NELL2: variants seen among roughly 807,000 people sequenced by gnomAD.
NELL2 encodes the protein neural EGFL like 2, also known as protein kinase C-binding protein NELL2.
NELL2 carries 41 observed loss-of-function variants against 109.6 expected under a neutral mutation model. That is an observed-to-expected ratio of 0.37 (90% CI 0.29 to 0.49). The LOEUF (loss-of-function observed/expected upper bound fraction) is 0.49. NELL2 is among the 20% of genes least tolerant of loss of function. The pLI is 0.98. For synonymous variants in NELL2, 355 were observed against 344.7 expected (o/e 1.03, Z -0.33); for missense variants, 900 against 1,008.3 (o/e 0.89, Z 1.45).
intron 2 of NELL2, among the ~76,000 whole-genome samples, chr12:44,842,378 T>G (rs1944255939): frequency 2.6e-5 from 4 of 152,126 alleles, no homozygotes; most frequent in Non-Finnish European, 5.9e-5. Flanking sequence ...CTGGAACAAC[T>G]GGATATACAT....
At chr12:44,555,665 C>A (rs1225253033) in intron 15 of NELL2, among the ~76,000 whole-genome samples, 32 of 152,068 alleles carry the variant, frequency 2.1e-4, no homozygotes. Context: ...TTGCAGAGAC[C>A]AGCATGACAG....
At chr12:44,559,055 G>T (rs1348638402) in intron 15 of NELL2, among the ~76,000 whole-genome samples, 2 of 152,138 alleles carry the variant, frequency 1.3e-5, no homozygotes, top group Non-Finnish European at 2.9e-5. Flanking sequence ...AACAAAGCCA[G>T]AATTTCATTA....
At chr12:44,617,989 A>G (rs975804974) in intron 13 of NELL2, among the ~76,000 whole-genome samples, 9 of 152,164 alleles carry the variant, frequency 5.9e-5, no homozygotes, top group Non-Finnish European at 8.8e-5. Flanking sequence ...TTCAATGATT[A>G]CATCAGGGGA....
chr12:44,615,735 T>C (rs1171062112), intron 13 of NELL2, among the ~76,000 whole-genome samples: 1 of 152,138 alleles, frequency 6.6e-6, no homozygotes, highest in African/African-American at 2.4e-5. Context: ...TAGGACGTTA[T>C]CATCTCTTTA....
At chr12:44,663,356 T>G (rs572986589) in intron 13 of NELL2, among the ~76,000 whole-genome samples, 2 of 152,186 alleles carry the variant, frequency 1.3e-5, no homozygotes, top group Admixed American at 6.5e-5. Context: ...GACCTAGTCA[T>G]AATAGAGAGA....
chr12:44,550,720 C>T (rs554776727), intron 15 of NELL2, among the ~76,000 whole-genome samples: 11 of 152,088 alleles, frequency 7.2e-5, no homozygotes, highest in African/African-American at 2.2e-4. Context: ...TGTGACAACA[C>T]GGACGGACCA....
intron 3 of NELL2, among the ~76,000 whole-genome samples, chr12:44,791,093 A>ATACACG (rs1175700056): frequency 5.5e-4 from 8 of 14,464 alleles, no homozygotes; most frequent in African/African-American, 1.3e-3. Context: ...ATATATATAT[A>ATACACG]TATGTATATA....
chr12:44,534,492 T>C (rs1421736921), intron 15 of NELL2, among the ~76,000 whole-genome samples: 1 of 152,126 alleles, frequency 6.6e-6, no homozygotes. Context: ...ATAACTGATG[T>C]GGATTGTATC....
chr12:44,727,661 A>G (rs1223763912), intron 9 of NELL2, among the ~76,000 whole-genome samples: 1 of 152,046 alleles, frequency 6.6e-6, no homozygotes, highest in African/African-American at 2.4e-5. Flanking sequence ...TTGGGACAAA[A>G]TATTTGTTGA....
At position 44,520,114 on chromosome 12, in the gene NELL2, G is replaced by A. The variant is rs199864668; in HGVS notation, c.2291C>T (p.Thr764Ile). The A allele has an allele frequency of 8.1e-6, 13 of 1,614,138 alleles. No homozygotes were observed. The Admixed American group carries it at 1.2e-4, about 14-fold the overall frequency. Reference protein sequence around the residue: ...RCVTDPCQADTIRNDITKTCL... With the variant: ...RCVTDPCQADIIRNDITKTCL... ...AGTCTTGGTGATGTCATTGCGGATG[G>A]TGTCAGCCTGGCAAGGGTCTGTGAC... is the stretch of plus-strand genomic sequence containing the variant. The change falls in exon 19 of 20, where the codon ACC becomes ATC. Residue 764 changes from threonine (T) to isoleucine (I), a missense_variant. Thr to Ile is a moderately conservative substitution (Grantham distance 89). Transcript: ENST00000429094.
intron 12 of NELL2, among the ~76,000 whole-genome samples, chr12:44,694,134 G>A (rs944254917): frequency 2.0e-5 from 3 of 152,122 alleles, no homozygotes; most frequent in Non-Finnish European, 1.5e-5. Flanking sequence ...ATTATTCTGG[G>A]TGTGTTTGTG....
intron 15 of NELL2, among the ~76,000 whole-genome samples, chr12:44,590,910 C>CAAA (rs1944721272): frequency 6.8e-6 from 1 of 147,708 alleles, no homozygotes; most frequent in African/African-American, 2.6e-5. Context: ...AAAAAAAAAC[C>CAAA]AACCTTGACT....
chr12:44,522,275 T>C (rs1324831901), intron 17 of NELL2, 99 bp from the exon 18 acceptor site: 1 of 1,001,134 alleles, frequency 1.0e-6, no homozygotes, highest in Admixed American at 3.0e-5. Context: ...GACTTGGAAG[T>C]TGAAATAATT....
At chr12:44,545,574 A>G (rs964403443) in intron 15 of NELL2, among the ~76,000 whole-genome samples, 1 of 152,090 alleles carries the variant, frequency 6.6e-6, no homozygotes, top group African/African-American at 2.4e-5. Flanking sequence ...CAGGAAAGAG[A>G]CATCACCTCA....
At chr12:44,517,141 G>T (rs1941305230) in intron 19 of NELL2, among the ~76,000 whole-genome samples, 1 of 151,376 alleles carries the variant, frequency 6.6e-6, no homozygotes, top group Admixed American at 6.6e-5. Context: ...TTGTTATTTA[G>T]TCATTCCATT....
intron 12 of NELL2, among the ~76,000 whole-genome samples, chr12:44,672,907 G>T (rs938817505): frequency 2.0e-5 from 3 of 152,006 alleles, no homozygotes; most frequent in African/African-American, 7.3e-5. Flanking sequence ...GCTATCATAG[G>T]GTCAGAGAAA....
chr12:44,845,278 T>C (rs1027299617), intron 2 of NELL2, among the ~76,000 whole-genome samples: 8 of 152,182 alleles, frequency 5.3e-5, no homozygotes, highest in Middle Eastern at 3.2e-3. Context: ...TAACTGAGTA[T>C]AGCCTTTGCT....
chr12:44,802,616 G>A (rs1942869108), intron 3 of NELL2, among the ~76,000 whole-genome samples: 1 of 151,980 alleles, frequency 6.6e-6, no homozygotes, highest in Non-Finnish European at 1.5e-5. Flanking sequence ...TTACATTTCA[G>A]TAAGAAAAAA....
upstream of NELL2, among the ~76,000 whole-genome samples, chr12:44,916,584 CA>C (rs1382234853): frequency 6.6e-6 from 1 of 152,170 alleles, no homozygotes; most frequent in Non-Finnish European, 1.5e-5. Flanking sequence ...TACTCCATCA[CA>C]CCTTCCTTGC....
Sources: gnomAD v4.1 joint callset for allele counts (sites outside exome capture counted in the v4.1 genomes callset) on GRCh38, gnomAD v4.1.1 for gene constraint, MANE v1.5 for transcripts, NCBI Gene and HGNC (gene_info 2026-07-23, HGNC 2026-07-21) for gene names.